Variants in TASOR2 observed in about 807,000 individuals in gnomAD.
TASOR2 encodes protein TASOR 2.
A neutral mutation model predicts 199.5 loss-of-function variants in TASOR2; 84 were observed. The ratio of observed to expected loss-of-function variants is 0.42; its 90% CI spans 0.35 to 0.50. TASOR2 has a LOEUF of 0.50. Ranked by LOEUF, TASOR2 falls within the 20% of genes least tolerant of loss-of-function variation. The probability of loss-of-function intolerance (pLI) is 0.02; values close to 1 mark genes in which losing one functional copy is unlikely to be tolerated. For missense variants in TASOR2, 2,796 were observed against 2,835.9 expected (o/e 0.99, Z 0.32); for synonymous variants, 1,103 against 1,046.6 (o/e 1.05, Z -1.04).
rs909410467 is a variant in TASOR2 at position 5,751,845 on chromosome 10, G to C, written c.6606+1818G>C. 6.6e-6 allele frequency among the ~76,000 whole-genome samples: 1 copy of C among 152,098 alleles called. No individual in the cohort carries two copies. The highest frequency in any genetic ancestry group is 2.4e-5 in the African/African-American group (1 of 41,384). On this transcript the variant is annotated intron_variant, in intron 15 of 20. Coordinates refer to ENST00000328090, the Ensembl canonical transcript of TASOR2. The surrounding 1 kb of genome is among the most constrained non-coding windows in gnomAD (Gnocchi z 5.3). ...CTACATCTCTATTTATGTATAAAAA[G>C]CAAAAACAGAGGAGTTCACACTCAT... is the stretch of plus-strand genomic sequence containing the variant.
exon 21 of TASOR2, chr10:5,763,230 G>A: frequency 1.9e-6 from 1 of 523,420 alleles, no homozygotes; most frequent in Non-Finnish European, 3.4e-6. Flanking sequence ...TGTTAGCTTT[G>A]GGTTGCAGTG....
Position 5,748,273 on chromosome 10 carries a change from C to T in TASOR2, c.4852C>T (p.Leu1618Phe). The stretch of plus-strand genomic sequence containing the variant: ...TAGCCCTAAAAGCAGTCAGAACCAT[C>T]TCTTTCCCGGTGATTTGAAAACAGA... Residue 1618 changes from leucine (L) to phenylalanine (F), a missense_variant, in exon 15 of 21, where the codon CTC (leucine) becomes TTC (phenylalanine). By Grantham distance (22) the Leu-to-Phe change is conservative (BLOSUM62 0). Around this residue, in one of 3 missense-constraint regions of TASOR2, gnomAD observed 1,941 missense variants for 1,924.9 expected, o/e 1.01. Coordinates refer to ENST00000328090, the Ensembl canonical transcript of TASOR2. The surrounding 1 kb of genome is among the most constrained non-coding windows in gnomAD (Gnocchi z 5.1). The T allele has an allele frequency of 6.2e-7, 1 of 1,614,220 alleles. No homozygotes were observed. The highest frequency in any genetic ancestry group is 8.5e-7 in the Non-Finnish European group (1 of 1,180,050).
At chr10:5,756,149 C>T (rs887657698) in intron 15 of TASOR2, among the ~76,000 whole-genome samples, 2 of 152,218 alleles carry the variant, frequency 1.3e-5, no homozygotes, top group Admixed American at 1.3e-4. Flanking sequence ...CAATCGCATG[C>T]TGTTTCAACT....
rs1051137934 is a variant in TASOR2 at position 5,710,465 on chromosome 10, C to A, written c.-287-2358C>A. 3.3e-5 allele frequency among the ~76,000 whole-genome samples: 5 copies of A among 151,994 alleles called. No homozygotes were observed. The highest frequency in any genetic ancestry group is 1.2e-4 in the African/African-American group (5 of 41,402). The stretch of plus-strand genomic sequence containing the variant: ...AAATAATTTGGTACTTGTTCCTCCT[C>A]CTTCGTTTTAAATCATTGGCTTTAT... On this transcript the variant is annotated intron_variant, in intron 1 of 20. Transcript: ENST00000328090. This position sits in a 1 kb window ranked among gnomAD's most constrained non-coding sequence, Gnocchi z 4.6.
chr10:5,716,695 C>G (rs574162711), intron 2 of TASOR2, among the ~76,000 whole-genome samples: 1 of 151,910 alleles, frequency 6.6e-6, no homozygotes, highest in Admixed American at 6.6e-5. Context: ...CAGGTGTATC[C>G]CTTGAGGCCA....
rs1835885726 is a variant in TASOR2 at position 5,738,164 on chromosome 10, C to A, written c.1448-1454C>A. Among the ~76,000 whole-genome samples, 1 of 151,946 alleles carries A rather than the reference C, an allele frequency of 6.6e-6. No individual in the cohort carries two copies. The highest frequency in any genetic ancestry group is 6.6e-5 in the Admixed American group (1 of 15,250). ...TTGTTAATGAAACATGATTTTCTGT[C>A]CTTTTTATTCACTGAACTTTTTTTT... On this transcript the variant is annotated intron_variant, in intron 12 of 20. Coordinates refer to ENST00000328090, the Ensembl canonical transcript of TASOR2. The surrounding 1 kb of genome is among the most constrained non-coding windows in gnomAD (Gnocchi z 4.7).
At chr10:5,753,042 G>C (rs772665089) in intron 15 of TASOR2, among the ~76,000 whole-genome samples, 1 of 152,088 alleles carries the variant, frequency 6.6e-6, no homozygotes, top group Non-Finnish European at 1.5e-5. Context: ...AGCAGGCGGA[G>C]TAGGGAAGGA....
At position 5,742,563 on chromosome 10, in the gene TASOR2, T is replaced by C; in HGVS notation, c.2757+37T>C. On this transcript the variant is annotated intron_variant, in intron 14 of 20. Transcript: ENST00000328090. The surrounding 1 kb of genome is among the most constrained non-coding windows in gnomAD (Gnocchi z 4.2). ...TGAATACCGTTAAATGTTGGCATTA[T>C]TTTTGAAGAAAAAAATGTTTATATG... is the stretch of plus-strand genomic sequence containing the variant. The C allele has an allele frequency of 6.4e-7, 1 of 1,553,310 alleles. No homozygotes were observed. Among genetic ancestry groups the C allele is most frequent in the Non-Finnish European group, 8.7e-7 (1 of 1,149,214 alleles).
At position 5,689,681 on chromosome 10, in the gene TASOR2, T is replaced by G. The variant is rs369810937; in HGVS notation, c.-288+4506T>G. Among the ~76,000 whole-genome samples the G allele has an allele frequency of 1.2e-3, 184 of 152,326 alleles. No homozygotes were observed. Among genetic ancestry groups the G allele is most frequent in the Admixed American group, 2.0e-3 (30 of 15,304 alleles). On this transcript the variant is annotated intron_variant, in intron 1 of 20. Coordinates refer to ENST00000328090, the Ensembl canonical transcript of TASOR2. The surrounding 1 kb of genome is among the most constrained non-coding windows in gnomAD (Gnocchi z 4.1). ...TGTAAATTGGAGATGTTTTTAAATG[T>G]GTTTATTCATAATTTATTAAATGTG...
chr10:5,685,174 G>C lies in TASOR2; in HGVS notation c.-289G>C. On this transcript the variant is annotated splice_region_variant and 5_prime_UTR_variant, in exon 1 of 21. Transcript: ENST00000328090. The surrounding 1 kb of genome is among the most constrained non-coding windows in gnomAD (Gnocchi z 5.4). The stretch of plus-strand genomic sequence containing the variant: ...CGGGGGCGGCGGCCACGCCAAGGAC[G>C]GGTAAGTCCCTCCTCGGCCTGGGCG... The C allele has an allele frequency of 5.0e-6, 2 of 398,038 alleles. No individual in the cohort carries two copies. The highest frequency in any genetic ancestry group is 8.9e-6 in the Non-Finnish European group (2 of 225,596). 24.7% of individuals were successfully genotyped at this position (398,038 alleles called of 1,614,324 possible).
chr10:5,695,352 T>C (rs976978631), intron 1 of TASOR2, among the ~76,000 whole-genome samples: 6 of 152,202 alleles, frequency 3.9e-5, no homozygotes, highest in East Asian at 1.9e-4. Flanking sequence ...GATAATATCA[T>C]TGAAGATCTT....
intron 1 of TASOR2, among the ~76,000 whole-genome samples, chr10:5,709,872 C>T (rs1291004271): frequency 1.3e-5 from 2 of 152,164 alleles, no homozygotes; most frequent in African/African-American, 4.8e-5. Context: ...GTATGTTCCT[C>T]TGTTGTGATT....
rs925805386 is a variant in TASOR2, at chr10:5,757,689, C to A, written c.6886+16C>A. On this transcript the variant is annotated intron_variant, in intron 17 of 20. Transcript: ENST00000328090. ...GTAACATTAGGTTGGTCTTTATTTT[C>A]TTTTCCTGTTTCTTTGAAGTCAGAT... 5 of 1,610,856 alleles carry A rather than the reference C, an allele frequency of 3.1e-6. No homozygotes were observed.
intron 12 of TASOR2, among the ~76,000 whole-genome samples, chr10:5,736,147 G>A (rs763519020): frequency 2.0e-5 from 3 of 152,150 alleles, no homozygotes; most frequent in Middle Eastern, 3.4e-3. Flanking sequence ...TTGGCCAGGC[G>A]CGGTGTCTCA....
exon 15 of TASOR2, chr10:5,746,492 G>T: frequency 1.2e-6 from 2 of 1,614,022 alleles, no homozygotes; most frequent in Non-Finnish European, 1.7e-6. Flanking sequence ...ATCCAACATG[G>T]CAGCCCCATA....
intron 1 of TASOR2, among the ~76,000 whole-genome samples, chr10:5,705,218 A>T (rs1838430243): frequency 6.6e-6 from 1 of 152,184 alleles, no homozygotes; most frequent in Non-Finnish European, 1.5e-5. Flanking sequence ...ACTATAGATT[A>T]ATTTTGCTGC....
intron 15 of TASOR2, among the ~76,000 whole-genome samples, chr10:5,756,012 G>GTTT (rs1554780751): frequency 1.3e-5 from 2 of 151,946 alleles, no homozygotes; most frequent in Non-Finnish European, 2.9e-5. Context: ...GCAAAGAAAT[G>GTTT]TCAAAGTCAT....
At position 5,737,740 on chromosome 10, in the gene TASOR2, C is replaced by T. The variant is rs1835831538; in HGVS notation, c.1448-1878C>T. On this transcript the variant is annotated intron_variant, in intron 12 of 20. Coordinates refer to ENST00000328090, the Ensembl canonical transcript of TASOR2. The surrounding 1 kb of genome is among the most constrained non-coding windows in gnomAD (Gnocchi z 4.9). ...AATTTGTAAACATGAGAATAGGTAA[C>T]ATCTTGTGTTCCTAGCAGTGTCATT... 2.0e-5 allele frequency among the ~76,000 whole-genome samples: 3 copies of T among 152,126 alleles called. No individual in the cohort carries two copies. The highest frequency in any genetic ancestry group is 2.0e-4 in the Admixed American group (3 of 15,278).
chr10:5,739,532 G>A, intron 12 of TASOR2, 86 bp from the exon 14 acceptor site: 1 of 1,303,968 alleles, frequency 7.7e-7, no homozygotes, highest in Non-Finnish European at 1.0e-6. Context: ...TCTCAGACAT[G>A]TTGAATTAAC....
Sources: allele counts gnomAD v4.1 joint callset (sites outside exome capture counted in the v4.1 genomes callset), GRCh38; gene constraint gnomAD v4.1.1; regional missense constraint gnomAD v4.1.1; non-coding constraint Gnocchi (gnomAD v3.1); transcripts MANE v1.5; gene names NCBI Gene and HGNC (gene_info 2026-07-23, HGNC 2026-07-21).